The following GADL1 variants were observed in gnomAD, a reference collection of about 807,000 sequenced individuals.
GADL1 encodes acidic amino acid decarboxylase GADL1.
GADL1 carries 71 observed loss-of-function variants against 69.5 expected under a neutral mutation model. That is an observed-to-expected ratio of 1.02 (90% CI 0.84 to 1.25). The LOEUF (loss-of-function observed/expected upper bound fraction) is 1.25. Among genes scored for constraint, GADL1 ranks in the 50% most tolerant of loss-of-function variants. The pLI, the probability that GADL1 is intolerant of heterozygous loss-of-function variation, is 0.00. For synonymous variants in GADL1, 254 were observed against 214.4 expected, an observed-to-expected ratio of 1.18 and a Z score of -1.62; for missense variants, 737 against 631.8, an observed-to-expected ratio of 1.17 and a Z score of -1.79.
chr3:30,787,313 A>G (rs563382246), intron 12 of GADL1, among the ~76,000 whole-genome samples: 1 of 152,306 alleles, frequency 6.6e-6, no homozygotes, highest in South Asian at 2.1e-4. Flanking sequence ...AGTAAAGGGC[A>G]TAGATGAAAT....
intron 1 of GADL1, among the ~76,000 whole-genome samples, chr3:30,863,091 T>A (rs1698345956): frequency 6.6e-6 from 1 of 151,750 alleles, no homozygotes; most frequent in Non-Finnish European, 1.5e-5. Context: ...TCTCTCTCTC[T>A]CGTAATTTGT....
intron 12 of GADL1, among the ~76,000 whole-genome samples, chr3:30,789,450 T>C (rs1450180362): frequency 6.6e-6 from 1 of 152,142 alleles, no homozygotes; most frequent in Non-Finnish European, 1.5e-5. Context: ...TGAAGAGTCT[T>C]AGAATTTTCA....
chr3:30,739,317 C>T (rs569891095), intron 14 of GADL1, among the ~76,000 whole-genome samples: 1 of 152,280 alleles, frequency 6.6e-6, no homozygotes, highest in Admixed American at 6.5e-5. Context: ...ATTCGCCATC[C>T]TGCACCCTCC....
chr3:30,770,021 T>A, intron 14 of GADL1, among the ~76,000 whole-genome samples: 1 of 73,950 alleles, frequency 1.4e-5, no homozygotes, highest in East Asian at 4.1e-4. Context: ...GTGTATTATC[T>A]AGCTTCTCTT....
At chr3:30,783,631 T>C (rs1466532707) in intron 13 of GADL1, among the ~76,000 whole-genome samples, 1 of 135,930 alleles carries the variant, frequency 7.4e-6, no homozygotes, top group Non-Finnish European at 1.7e-5. Context: ...AATTCTGCTT[T>C]ATTCTCAGTG....
intron 1 of GADL1, among the ~76,000 whole-genome samples, chr3:30,873,114 T>A (rs11129427): frequency 0.16 from 24,845 of 151,986 alleles, 2,523 homozygotes; most frequent in East Asian, 0.33. Flanking sequence ...TGCAAGCCAC[T>A]GACACAAGCC....
intron 14 of GADL1, among the ~76,000 whole-genome samples, chr3:30,747,206 A>G (rs1304352051): frequency 6.6e-6 from 1 of 152,206 alleles, no homozygotes; most frequent in Non-Finnish European, 1.5e-5. Flanking sequence ...GTCAACAGCC[A>G]AATGATCGTG....
chr3:30,800,342 CTT>C (rs1697134364), intron 12 of GADL1: 1 of 153,218 alleles, frequency 6.5e-6, no homozygotes, highest in African/African-American at 2.4e-5. Flanking sequence ...TCTTGTGAGA[CTT>C]ATTCACTATC....
At chr3:30,861,462 C>T (rs1698319730) in intron 2 of GADL1, 131 bp downstream of exon 2, 1 of 652,914 alleles carries the variant, frequency 1.5e-6, no homozygotes, top group Non-Finnish European at 2.6e-6. Flanking sequence ...TATATCTGGA[C>T]ATCCTTTTGA....
At chr3:30,754,868 T>TTTTC (rs892004724) in intron 14 of GADL1, among the ~76,000 whole-genome samples, 1 of 151,822 alleles carries the variant, frequency 6.6e-6, no homozygotes, top group African/African-American at 2.4e-5. Flanking sequence ...TGATTTTTTT[T>TTTTC]CTGAAAGTCT....
At chr3:30,856,035 A>G (rs1698226625) in intron 3 of GADL1, among the ~76,000 whole-genome samples, 1 of 151,922 alleles carries the variant, frequency 6.6e-6, no homozygotes, top group African/African-American at 2.4e-5. Context: ...TATCCAGTAA[A>G]CTGAAAAATC....
chr3:30,825,438 A>G (rs1157708017), intron 11 of GADL1, among the ~76,000 whole-genome samples: 1 of 151,968 alleles, frequency 6.6e-6, no homozygotes, highest in Non-Finnish European at 1.5e-5. Context: ...ACTATGGAAC[A>G]ACACATTCAG....
At position 30,850,822 on chromosome 3, in the gene GADL1, T is replaced by G; in HGVS notation, c.535+13A>C. 4.1e-6 allele frequency: 6 copies of G among 1,454,388 alleles called. No individual in the cohort carries two copies. The highest frequency in any genetic ancestry group is 5.7e-6 in the Non-Finnish European group (6 of 1,058,744). 90.1% of individuals were successfully genotyped at this position (1,454,388 alleles called of 1,614,324 possible). On this transcript the variant is annotated intron_variant, in intron 5 of 14. Coordinates refer to ENST00000282538, the MANE Select transcript of GADL1 (RefSeq NM_207359.3). Reference sequence around the variant, plus strand: ...GTATTGGAAGGTTGATATCAATAACTAATTGTACTCACCTGGGTTAAATAT... The same window carrying G: ...GTATTGGAAGGTTGATATCAATAACGAATTGTACTCACCTGGGTTAAATAT...
At chr3:30,881,060 G>A (rs1006904092) in intron 1 of GADL1, among the ~76,000 whole-genome samples, 15 of 151,976 alleles carry the variant, frequency 9.9e-5, no homozygotes, top group African/African-American at 3.1e-4. Context: ...CACATTCCCA[G>A]TGCAGTTAAG....
At chr3:30,731,299 C>T (rs748883159) in intron 14 of GADL1, among the ~76,000 whole-genome samples, 9 of 152,206 alleles carry the variant, frequency 5.9e-5, no homozygotes, top group Non-Finnish European at 1.2e-4. Context: ...AACAGGCATG[C>T]TCTTGGCTCA....
At chr3:30,795,201 T>G (rs1697008396) in intron 12 of GADL1, among the ~76,000 whole-genome samples, 1 of 152,140 alleles carries the variant, frequency 6.6e-6, no homozygotes, top group Non-Finnish European at 1.5e-5. Context: ...TGCTTTTGAT[T>G]TGGTAAACTC....
chr3:30,795,777 G>T (rs1012139356), intron 12 of GADL1, among the ~76,000 whole-genome samples: 4 of 152,122 alleles, frequency 2.6e-5, no homozygotes, highest in African/African-American at 9.7e-5. Flanking sequence ...AAAGTACTCT[G>T]CCCTTTTCCT....
chr3:30,778,724 G>A (rs1032937225), intron 13 of GADL1: 6 of 155,168 alleles, frequency 3.9e-5, no homozygotes, highest in African/African-American at 1.4e-4. Flanking sequence ...CCTGTGAGAT[G>A]ATAACAGCGT....
chr3:30,859,858 C>A (rs988646325), intron 2 of GADL1, among the ~76,000 whole-genome samples: 1 of 151,908 alleles, frequency 6.6e-6, no homozygotes, highest in African/African-American at 2.4e-5. Flanking sequence ...TTCAATCCAA[C>A]TTCCCGTGGG....
Sources: gnomAD v4.1 joint callset for allele counts (sites outside exome capture counted in the v4.1 genomes callset) on GRCh38, gnomAD v4.1.1 for gene constraint, MANE v1.5 for transcripts, NCBI Gene and HGNC (gene_info 2026-07-23, HGNC 2026-07-21) for gene names.